HHIP: variants seen among roughly 807,000 people sequenced by gnomAD.
HHIP encodes hedgehog-interacting protein.
Under a neutral mutation model 74.0 loss-of-function variants are expected in HHIP, and 12 were observed. The ratio of observed to expected loss-of-function variants is 0.16; its 90% confidence interval spans 0.10 to 0.26. HHIP has a LOEUF of 0.26. HHIP is among the 10% of genes least tolerant of loss of function. The pLI is 1.00. For synonymous variants in HHIP, 309 were observed against 311.6 expected (o/e 0.99, Z 0.09); for missense variants, 788 against 845.0 (o/e 0.93, Z 0.84).
At chr4:144,654,130 A>G (rs1423084331) in intron 2 of HHIP, among the ~76,000 whole-genome samples, 1 of 152,120 alleles carries the variant, frequency 6.6e-6, no homozygotes, top group Non-Finnish European at 1.5e-5. Context: ...GATAACTACA[A>G]CATGCTAGAT....
chr4:144,714,718 G>A (rs1730398183), intron 9 of HHIP, among the ~76,000 whole-genome samples: 1 of 152,208 alleles, frequency 6.6e-6, no homozygotes, highest in East Asian at 1.9e-4. Flanking sequence ...ATATTGCAAG[G>A]CTCAAGATTT....
At chr4:144,726,328 A>T (rs887947251) in intron 11 of HHIP, among the ~76,000 whole-genome samples, 2 of 152,106 alleles carry the variant, frequency 1.3e-5, no homozygotes, top group Non-Finnish European at 2.9e-5. Flanking sequence ...GCATTTTTTA[A>T]TGTCTCCTGT....
At position 144,659,671 on chromosome 4, in the gene HHIP, G is replaced by T. The variant is rs201311123; in HGVS notation, c.664G>T (p.Val222Phe). 1.9e-6 allele frequency: 3 copies of T among 1,551,534 alleles called. No individual in the cohort carries two copies. The highest frequency in any genetic ancestry group is 2.1e-5 in the Admixed American group (1 of 46,604). The change falls in exon 4 of 13, where the codon GTT (valine) becomes TTT (phenylalanine). Residue 222 changes from valine to phenylalanine, a missense_variant. Val to Phe is a conservative substitution (Grantham distance 50). This residue lies in a region of HHIP where 373 missense variants were observed against 366.4 expected (regional missense o/e 1.02). Transcript: ENST00000296575. ...HKHNCFCIQE[V>F]VSGLRQPVGA... ...ACACAACTGCTTCTGTATTCAGGAG[G>T]TTGTGAGTGGGCTGCGGCAGCCCGT...
chr4:144,707,715 G>A (rs779018708), intron 6 of HHIP, among the ~76,000 whole-genome samples: 3 of 145,706 alleles, frequency 2.1e-5, no homozygotes, highest in Non-Finnish European at 3.0e-5. Flanking sequence ...TCTTGGTTCA[G>A]TTGCTTGTCT....
At chr4:144,689,511 A>T (rs1729585006) in intron 4 of HHIP, among the ~76,000 whole-genome samples, 1 of 152,226 alleles carries the variant, frequency 6.6e-6, no homozygotes. Context: ...CATATTTATC[A>T]TCAAAAAGAA....
chr4:144,742,899 CTTTTTATATATA>C lies in HHIP; in HGVS notation c.*4944_*4955del, dbSNP rs1560728981. ...TTTTATATATATCTTATATATATAT[CTTTTTATATATA>C]TCTTATATATATATCTTTATATATA... On this transcript the variant is annotated 3_prime_UTR_variant, in exon 13 of 13. Coordinates refer to ENST00000296575, the MANE Select transcript of HHIP (RefSeq NM_022475.3). 6 of 4,468 alleles carry C rather than the reference CTTTTTATATATA, an allele frequency of 1.3e-3. No individual in the cohort carries two copies. The highest frequency in any genetic ancestry group is 1.5e-3 in the African/African-American group (6 of 3,886). The allele number at this position is 4,468 out of a possible 1,614,324, so 0.3% of individuals were successfully genotyped here. A position where few individuals can be genotyped will look rare whatever the true frequency, so the allele number is the denominator to read the frequency against.
At chr4:144,735,410 T>C (rs1578733823) in intron 12 of HHIP, among the ~76,000 whole-genome samples, 1 of 152,146 alleles carries the variant, frequency 6.6e-6, no homozygotes, top group Non-Finnish European at 1.5e-5. Flanking sequence ...TTTTTCATGC[T>C]TTTTGCCACT....
intron 4 of HHIP, among the ~76,000 whole-genome samples, chr4:144,668,154 T>C (rs921940448): frequency 6.6e-6 from 1 of 151,506 alleles, no homozygotes; most frequent in African/African-American, 2.4e-5. Context: ...CCGTCTCTAT[T>C]AAAAATATAA....
chr4:144,703,141 G>A (rs1730035328), intron 4 of HHIP, among the ~76,000 whole-genome samples: 1 of 151,550 alleles, frequency 6.6e-6, no homozygotes, highest in Non-Finnish European at 1.5e-5. Flanking sequence ...TTGAACCCAG[G>A]AGACGGAGAT....
chr4:144,712,128 T>C, intron 8 of HHIP, 57 bp downstream of exon 8: 1 of 1,469,248 alleles, frequency 6.8e-7, no homozygotes, highest in Non-Finnish European at 9.4e-7. Flanking sequence ...CTTAGTATAT[T>C]TAGTAATTGA....
At chr4:144,670,787 A>G (rs1203101156) in intron 4 of HHIP, among the ~76,000 whole-genome samples, 2 of 135,928 alleles carry the variant, frequency 1.5e-5, no homozygotes, top group African/African-American at 5.3e-5. Flanking sequence ...AAAAAAAAAA[A>G]AGAAAGAAAG....
At position 144,742,956 on chromosome 4, in the gene HHIP, ACATATAAGATATATG is replaced by A. The variant is rs1199665174; in HGVS notation, c.*5000_*5014del. Reference sequence around the variant, plus strand: ...TATATATCTTATATATATATCTTATACATATAAGATATATGTATATATATATACATTATATATATA... The same window carrying A: ...TATATATCTTATATATATATCTTATATATATATATATACATTATATATATA... On this transcript the variant is annotated 3_prime_UTR_variant, in exon 13 of 13. Coordinates refer to ENST00000296575, the MANE Select transcript of HHIP (RefSeq NM_022475.3). 0.21 allele frequency: 1,621 copies of A among 7,834 alleles called. 27 individuals are homozygous for A. The highest frequency in any genetic ancestry group is 0.48 in the Non-Finnish European group (1,216 of 2,538). 0.5% of individuals were successfully genotyped at this position (7,834 alleles called of 1,614,324 possible).
chr4:144,692,601 T>C (rs1004779855), intron 4 of HHIP, among the ~76,000 whole-genome samples: 1 of 152,176 alleles, frequency 6.6e-6, no homozygotes, highest in Non-Finnish European at 1.5e-5. Context: ...CCCTGAATTC[T>C]TTCCCGTAAC....
chr4:144,674,247 T>G (rs761039720), intron 4 of HHIP, among the ~76,000 whole-genome samples: 7 of 152,230 alleles, frequency 4.6e-5, no homozygotes, highest in Admixed American at 1.3e-4. Flanking sequence ...CCACACACAG[T>G]GTCAAATAAT....
chr4:144,709,872 G>A (rs1222243999), intron 7 of HHIP, among the ~76,000 whole-genome samples: 2 of 152,042 alleles, frequency 1.3e-5, no homozygotes, highest in East Asian at 1.9e-4. Context: ...ATAGTCTCTC[G>A]CATTATGATC....
intron 4 of HHIP, among the ~76,000 whole-genome samples, chr4:144,681,352 A>T (rs911506057): frequency 2.3e-4 from 35 of 151,052 alleles, no homozygotes; most frequent in African/African-American, 8.3e-4. Flanking sequence ...CACTAAACAT[A>T]AAAAAAAAGC....
chr4:144,742,471 C>CAGGGA lies in HHIP; in HGVS notation c.*4514_*4515insAGGGA, dbSNP rs1936400315. 1 of 152,018 alleles carries CAGGGA rather than the reference C, an allele frequency of 6.6e-6. No individual in the cohort carries two copies. The highest frequency in any genetic ancestry group is 6.6e-5 in the Admixed American group (1 of 15,262). The allele number at this position is 152,018 out of a possible 1,614,324, so 9.4% of individuals were successfully genotyped here. On this transcript the variant is annotated 3_prime_UTR_variant, in exon 13 of 13. Coordinates refer to ENST00000296575, the MANE Select transcript of HHIP (RefSeq NM_022475.3). ...AGCTAACAGCAGGGAAAGTTAGTAGCTATTTCCTAGCCAAGGAACAACCTT... is the reference window on the plus strand; with the variant it reads ...AGCTAACAGCAGGGAAAGTTAGTAGCAGGGATATTTCCTAGCCAAGGAACAACCTT...
rs1276490645 is a variant in HHIP at position 144,708,204 on chromosome 4, C to T, written c.1194C>T (p.Asp398=). ...GCTCAGTGCTACGGCTGGATGTGGA[C>T]ACAGACATGTGCAACGTGCCTTATT... ...FTGSVLRLDV[D]TDMCNVPYSI... is the part of the protein sequence containing the mutation. Residue 398 remains aspartate (D), a synonymous_variant, in exon 7 of 13, where the codon GAC becomes GAT. Transcript: ENST00000296575. 6.8e-6 allele frequency: 11 copies of T among 1,613,962 alleles called. No homozygotes were observed. The highest frequency in any genetic ancestry group is 1.7e-5 in the Admixed American group (1 of 59,990).
chr4:144,676,536 A>G (rs1230289781), intron 4 of HHIP, among the ~76,000 whole-genome samples: 3 of 152,186 alleles, frequency 2.0e-5, no homozygotes, highest in Non-Finnish European at 4.4e-5. Context: ...CATTCTCTGG[A>G]GACTTGCTAT....
Sources: allele counts gnomAD v4.1 joint callset (sites outside exome capture counted in the v4.1 genomes callset), GRCh38; gene constraint gnomAD v4.1.1; regional missense constraint gnomAD v4.1.1; transcripts MANE v1.5; gene names NCBI Gene and HGNC (gene_info 2026-07-23, HGNC 2026-07-21).